Variants in PBX1 observed in about 807,000 individuals in gnomAD.
PBX1 encodes PBX homeobox 1, also known as pre-B-cell leukemia transcription factor 1.
PBX1 carries 6 observed loss-of-function variants against 53.4 expected under a neutral mutation model. The observed-to-expected ratio is 0.11, with a 90% CI of 0.06 to 0.22. The LOEUF (loss-of-function observed/expected upper bound fraction) is 0.22. PBX1 is among the 10% of genes least tolerant of loss of function. The pLI, the probability that PBX1 is intolerant of heterozygous loss-of-function variation, is 1.00. For missense variants in PBX1, 251 were observed against 551.4 expected, an observed-to-expected ratio of 0.46 and a Z score of 5.46; for synonymous variants, 204 against 212.3, an observed-to-expected ratio of 0.96 and a Z score of 0.34.
At chr1:164,883,598 G>T (rs1672710916) in intron 2 of PBX1, among the ~76,000 whole-genome samples, 1 of 151,820 alleles carries the variant, frequency 6.6e-6, no homozygotes, top group Admixed American at 6.6e-5. Flanking sequence ...TTTTAAGTTT[G>T]TCAAGCTGAA....
chr1:164,601,583 A>G (rs906142985), intron 2 of PBX1, among the ~76,000 whole-genome samples: 1 of 152,148 alleles, frequency 6.6e-6, no homozygotes, highest in African/African-American at 2.4e-5. Context: ...GAGTACACAG[A>G]CTTTAGCTTA....
At chr1:164,882,327 A>G (rs1672678698) in intron 2 of PBX1, among the ~76,000 whole-genome samples, 1 of 152,160 alleles carries the variant, frequency 6.6e-6, no homozygotes. Flanking sequence ...AGCCTGGGAA[A>G]TTCTCATCTG....
chr1:164,631,924 C>T (rs1658434821), intron 2 of PBX1, among the ~76,000 whole-genome samples: 1 of 152,204 alleles, frequency 6.6e-6, no homozygotes, highest in South Asian at 2.1e-4. Flanking sequence ...CTTGCTTGTT[C>T]CACAGGCAGA....
At chr1:164,649,564 C>T (rs1319931963) in intron 2 of PBX1, among the ~76,000 whole-genome samples, 1 of 152,092 alleles carries the variant, frequency 6.6e-6, no homozygotes, top group East Asian at 1.9e-4. Context: ...CTATGTGTGG[C>T]TTGGAGCCAT....
chr1:164,764,773 G>A (rs554413708), intron 2 of PBX1, among the ~76,000 whole-genome samples: 1 of 152,106 alleles, frequency 6.6e-6, no homozygotes, highest in East Asian at 1.9e-4. Flanking sequence ...GAAATGCGTA[G>A]GTTTCTTATC....
At chr1:164,682,997 A>G (rs1661877526) in intron 2 of PBX1, 1 of 152,148 alleles carries the variant, frequency 6.6e-6, no homozygotes. Flanking sequence ...GTGGAAAGCT[A>G]TTTACTAAGC....
At chr1:164,595,303 C>T (rs937901267) in intron 2 of PBX1, among the ~76,000 whole-genome samples, 3 of 152,098 alleles carry the variant, frequency 2.0e-5, no homozygotes, top group Non-Finnish European at 4.4e-5. Flanking sequence ...CCGTGGAAGC[C>T]GTGATCAGAG....
At chr1:164,824,290 A>G (rs1670313360) in intron 8 of PBX1, among the ~76,000 whole-genome samples, 1 of 152,184 alleles carries the variant, frequency 6.6e-6, no homozygotes, top group South Asian at 2.1e-4. Flanking sequence ...GTGCGGTGGT[A>G]GGAGTATTAT....
At chr1:164,730,267 C>G (rs1312113197) in intron 2 of PBX1, among the ~76,000 whole-genome samples, 2 of 151,888 alleles carry the variant, frequency 1.3e-5, no homozygotes, top group Non-Finnish European at 2.9e-5. Flanking sequence ...AAAGAGATTG[C>G]AATAGACTGG....
intron 2 of PBX1, among the ~76,000 whole-genome samples, chr1:164,867,680 C>G (rs1390803100): frequency 6.6e-6 from 1 of 152,196 alleles, no homozygotes; most frequent in Non-Finnish European, 1.5e-5. Context: ...CAGCCAGATA[C>G]CCAGGAAGAA....
At chr1:164,715,318 C>A (rs1384078877) in intron 2 of PBX1, among the ~76,000 whole-genome samples, 1 of 152,116 alleles carries the variant, frequency 6.6e-6, no homozygotes, top group African/African-American at 2.4e-5. Context: ...GAAGACCTTT[C>A]GGTACTGCAG....
chr1:164,751,058 G>A (rs1335100595), intron 2 of PBX1, among the ~76,000 whole-genome samples: 1 of 152,068 alleles, frequency 6.6e-6, no homozygotes, highest in Non-Finnish European at 1.5e-5. Flanking sequence ...ACTCATGCCT[G>A]TAATCCCAGC....
In PBX1 at chr1:164,681,383, A is replaced by G. The variant is rs1207631303; in HGVS notation, c.266-111111A>G. On this transcript the variant is annotated intron_variant, in intron 2 of 8. Transcript: ENST00000420696. ...TACATATTCATATGTATTTTTAATC[A>G]TAGGGAATGAACACTAGAAAGTAAA... Among the ~76,000 whole-genome samples the G allele has an allele frequency of 3.3e-5, 5 of 152,316 alleles. No homozygotes were observed. In the East Asian group the frequency reaches 9.6e-4, roughly 29 times the overall value.
At chr1:164,570,567 A>G (rs1025701492) in intron 2 of PBX1, among the ~76,000 whole-genome samples, 1 of 152,108 alleles carries the variant, frequency 6.6e-6, no homozygotes, top group Admixed American at 6.5e-5. Flanking sequence ...ATAGTATTCC[A>G]TGGTGTATAT....
At chr1:164,861,826 A>G (rs930316800) in intron 2 of PBX1, among the ~76,000 whole-genome samples, 4 of 152,226 alleles carry the variant, frequency 2.6e-5, no homozygotes, top group Non-Finnish European at 5.9e-5. Context: ...AGAACAGCTC[A>G]TGCAAAGGCC....
At chr1:164,655,303 G>C in intron 2 of PBX1, among the ~76,000 whole-genome samples, 1 of 151,970 alleles carries the variant, frequency 6.6e-6, no homozygotes, top group South Asian at 2.1e-4. Flanking sequence ...AGTAGAGACG[G>C]GGTTTCTCCA....
intron 2 of PBX1, among the ~76,000 whole-genome samples, chr1:164,726,926 C>A (rs1374034446): frequency 2.0e-5 from 3 of 152,084 alleles, no homozygotes; most frequent in Non-Finnish European, 1.5e-5. Context: ...GCTGTTTTTA[C>A]CCCCAAGAGA....
At chr1:164,676,365 A>G (rs183822467) in intron 2 of PBX1, among the ~76,000 whole-genome samples, 18 of 152,234 alleles carry the variant, frequency 1.2e-4, no homozygotes, top group Admixed American at 3.9e-4. Context: ...TAGTAGGAGA[A>G]TGGAACTGAG....
At chr1:164,777,294 G>A (rs947754698) in intron 2 of PBX1, among the ~76,000 whole-genome samples, 1 of 152,114 alleles carries the variant, frequency 6.6e-6, no homozygotes, top group Non-Finnish European at 1.5e-5. Context: ...ATGGTGGCAC[G>A]CACCTGTAGT....
Sources: gnomAD v4.1 joint callset for allele counts (sites outside exome capture counted in the v4.1 genomes callset) on GRCh38, gnomAD v4.1.1 for gene constraint, MANE v1.5 for transcripts, NCBI Gene and HGNC (gene_info 2026-07-23, HGNC 2026-07-21) for gene names.